AGBL1: variants seen among roughly 807,000 people sequenced by gnomAD.
AGBL1 encodes the protein AGBL carboxypeptidase 1.
In AGBL1, 130 loss-of-function variants were observed where a neutral mutation model predicts 118.9. That is an observed-to-expected ratio of 1.09 (90% CI 0.95 to 1.26). AGBL1 has a LOEUF of 1.26. AGBL1 is among the 50% of genes most tolerant of loss of function. The pLI is 0.00. For missense variants in AGBL1, 1,584 were observed against 1,298.1 expected (o/e 1.22, Z -3.38); for synonymous variants, 555 against 478.9 (o/e 1.16, Z -2.08).
At chr15:86,465,006 T>G (rs1462650006) in intron 18 of AGBL1, among the ~76,000 whole-genome samples, 3 of 152,146 alleles carry the variant, frequency 2.0e-5, no homozygotes, top group Admixed American at 2.0e-4. Flanking sequence ...GTTTTCCAAC[T>G]TGGTTCCATT....
At chr15:86,654,708 C>G (rs2085434786) in intron 21 of AGBL1, among the ~76,000 whole-genome samples, 1 of 152,120 alleles carries the variant, frequency 6.6e-6, no homozygotes, top group Non-Finnish European at 1.5e-5. Flanking sequence ...CACCGATGCT[C>G]TCCTTGGGGA....
intron 17 of AGBL1, among the ~76,000 whole-genome samples, chr15:86,357,902 A>G (rs917394858): frequency 6.6e-6 from 1 of 152,106 alleles, no homozygotes; most frequent in Admixed American, 6.6e-5. Context: ...ATACCTGACA[A>G]ATAAAAATTC....
intron 4 of AGBL1, among the ~76,000 whole-genome samples, chr15:86,156,940 C>G (rs2077201009): frequency 6.6e-6 from 1 of 151,848 alleles, no homozygotes; most frequent in Admixed American, 6.6e-5. Flanking sequence ...CAGTTGTGCA[C>G]TACTACACCT....
chr15:86,317,526 C>T (rs765656795), intron 17 of AGBL1, among the ~76,000 whole-genome samples: 1 of 152,154 alleles, frequency 6.6e-6, no homozygotes, highest in Non-Finnish European at 1.5e-5. Flanking sequence ...GCACCACTCC[C>T]TTGGGGTGAT....
At chr15:86,207,790 T>G (rs2078019651) in intron 5 of AGBL1, among the ~76,000 whole-genome samples, 3 of 152,214 alleles carry the variant, frequency 2.0e-5, no homozygotes, top group Admixed American at 6.5e-5. Context: ...TTTTCCTAAT[T>G]GAATACCCTT....
intron 23 of AGBL1, chr15:86,939,572 T>C (rs544912449): frequency 4.1e-4 from 63 of 152,348 alleles, no homozygotes; most frequent in African/African-American, 1.4e-3. Flanking sequence ...CAACACCCCT[T>C]AATAAACTCC....
In AGBL1 at chr15:86,085,267, A is replaced by T. The variant is rs896529579; in HGVS notation, c.51+5244A>T. On this transcript the variant is annotated intron_variant, in intron 1 of 22. Coordinates refer to ENST00000614907, the MANE Select transcript of AGBL1 (RefSeq NM_001386094.1). ...AGCAGGGGGAGGTACATTTACCAGGATGAGGAGGGTGCCTAGTGATCTTCC... is the reference window on the plus strand; with the variant it reads ...AGCAGGGGGAGGTACATTTACCAGGTTGAGGAGGGTGCCTAGTGATCTTCC... 2.6e-5 allele frequency among the ~76,000 whole-genome samples: 4 copies of T among 152,280 alleles called. No homozygotes were observed. The East Asian group carries it at 5.8e-4, about 22-fold the overall frequency.
At position 86,217,695 on chromosome 15, in the gene AGBL1, G is replaced by C. The variant is rs576927132; in HGVS notation, c.489-7219G>C. ...AGGCTGCAGCATTAGCAAGGTCAAA[G>C]GACAAGCCATGGGTACATGCTCTAG... On this transcript the variant is annotated intron_variant, in intron 5 of 22. Transcript: ENST00000614907. 1.6e-4 allele frequency among the ~76,000 whole-genome samples: 24 copies of C among 152,346 alleles called. No individual in the cohort carries two copies. In the South Asian group the frequency reaches 5.0e-3, roughly 32 times the overall value.
At chr15:86,619,861 G>C (rs2084780118) in intron 21 of AGBL1, among the ~76,000 whole-genome samples, 1 of 152,202 alleles carries the variant, frequency 6.6e-6, no homozygotes, top group Non-Finnish European at 1.5e-5. Context: ...CAAAGGAACT[G>C]AAATGTACAT....
At chr15:86,686,379 T>C (rs1016565524) in intron 22 of AGBL1, among the ~76,000 whole-genome samples, 2 of 151,608 alleles carry the variant, frequency 1.3e-5, no homozygotes, top group Non-Finnish European at 2.9e-5. Context: ...ATCAGAAAAA[T>C]AGGAGTTAAT....
At position 86,976,517 on chromosome 15, in the gene AGBL1, T is replaced by G. The variant is rs563970660; in HGVS notation, c.3222-11470T>G. Among the ~76,000 whole-genome samples the G allele has an allele frequency of 1.1e-4, 16 of 152,182 alleles. No homozygotes were observed. The East Asian group carries it at 3.1e-3, about 29-fold the overall frequency. On this transcript the variant is annotated intron_variant, in intron 23 of 24. Coordinates refer to the AGBL1 transcript ENST00000441037. ...TTATAAACACGCTAGAATAAACAACTGTTTTGCTAACTTTTGCATGCCTTT... is the reference window on the plus strand; with the variant it reads ...TTATAAACACGCTAGAATAAACAACGGTTTTGCTAACTTTTGCATGCCTTT...
At chr15:86,483,137 T>C (rs1027074412) in intron 18 of AGBL1, among the ~76,000 whole-genome samples, 3 of 152,060 alleles carry the variant, frequency 2.0e-5, no homozygotes, top group African/African-American at 4.8e-5. Context: ...TGCCTCTCCA[T>C]GGGGCCCATG....
intron 21 of AGBL1, among the ~76,000 whole-genome samples, chr15:86,559,556 A>T (rs947237052): frequency 6.6e-6 from 1 of 152,174 alleles, no homozygotes; most frequent in Non-Finnish European, 1.5e-5. Flanking sequence ...ATAATACACA[A>T]TGTTAAGGTA....
chr15:87,020,117 T>C (rs1325769794), intron 24 of AGBL1, among the ~76,000 whole-genome samples: 1 of 151,958 alleles, frequency 6.6e-6, no homozygotes, highest in African/African-American at 2.4e-5. Flanking sequence ...GAGGCAGTAA[T>C]AGATAGCCTA....
chr15:86,722,292 C>T (rs1163120607), intron 22 of AGBL1, among the ~76,000 whole-genome samples: 2 of 152,194 alleles, frequency 1.3e-5, no homozygotes, highest in East Asian at 1.9e-4. Flanking sequence ...GAGCATGGTA[C>T]TGGTACCAAA....
chr15:86,341,379 C>A, intron 17 of AGBL1, among the ~76,000 whole-genome samples: 1 of 77,500 alleles, frequency 1.3e-5, no homozygotes, highest in African/African-American at 3.7e-5. Context: ...ATGTAGGAGG[C>A]AAAACAAGAA....
chr15:86,322,049 A>C (rs763450022), intron 17 of AGBL1, among the ~76,000 whole-genome samples: 16 of 150,690 alleles, frequency 1.1e-4, no homozygotes, highest in Non-Finnish European at 1.8e-4. Flanking sequence ...ATAATTGTTA[A>C]GGCTATCTTT....
intron 22 of AGBL1, among the ~76,000 whole-genome samples, chr15:86,674,947 T>C (rs1426448057): frequency 1.3e-5 from 2 of 152,094 alleles, no homozygotes; most frequent in East Asian, 1.9e-4. Flanking sequence ...CTCCCAGCCA[T>C]AGGAGGGAAA....
intron 21 of AGBL1, among the ~76,000 whole-genome samples, chr15:86,591,520 A>G (rs2084335431): frequency 6.6e-6 from 1 of 152,198 alleles, no homozygotes; most frequent in African/African-American, 2.4e-5. Flanking sequence ...AACTTGCTAA[A>G]TTGGCTCACA....
Sources: allele counts gnomAD v4.1 joint callset (sites outside exome capture counted in the v4.1 genomes callset), GRCh38; gene constraint gnomAD v4.1.1; transcripts MANE v1.5; gene names NCBI Gene and HGNC (gene_info 2026-07-23, HGNC 2026-07-21).